NHS: variants seen among roughly 807,000 people sequenced by gnomAD.
The protein encoded by NHS is NHS actin remodeling regulator.
NHS carries 5 observed loss-of-function variants against 72.5 expected under a neutral mutation model. The observed-to-expected ratio is 0.07, with a 90% confidence interval of 0.04 to 0.14. The LOEUF is 0.14. Ranked by LOEUF, NHS falls within the 10% of genes least tolerant of loss-of-function variation. The pLI is 1.00. For missense variants in NHS, 1,072 were observed against 1,355.7 expected (o/e 0.79, Z 3.29); for synonymous variants, 464 against 547.7 (o/e 0.85, Z 2.13).
chrX:17,496,630 G>GT (rs946235310), intron 1 of NHS, among the ~76,000 whole-genome samples: 1 of 111,524 alleles, frequency 9.0e-6, no homozygotes, highest in African/African-American at 3.3e-5. Context: ...AGGAGAACTG[G>GT]TTTGGCAACA....
chrX:17,633,412 G>C (rs2065829657), intron 1 of NHS, among the ~76,000 whole-genome samples: 1 of 112,139 alleles, frequency 8.9e-6, no homozygotes, highest in Non-Finnish European at 1.9e-5. Context: ...TGTGCATCCA[G>C]GGTCCTAGAG....
chrX:17,718,192 G>A (rs1043011946), intron 3 of NHS, among the ~76,000 whole-genome samples: 16 of 110,008 alleles, frequency 1.5e-4, no homozygotes, highest in African/African-American at 5.3e-4. Flanking sequence ...AACTGACCTT[G>A]GGGAGGTTGA....
At position 17,721,534 on chromosome X, in the gene NHS, A is replaced by G. The variant is rs775369456; in HGVS notation, c.1009A>G (p.Thr337Ala). The change falls in exon 5 of 9, where the codon ACC becomes GCC. Residue 337 changes from threonine to alanine, a missense_variant. Coordinates refer to ENST00000676302, the MANE Select transcript of NHS (RefSeq NM_001291867.2). The part of the protein sequence containing the change: ...HNIPSTLDKQ[T>A]NWSKALPLPT... ...TATCCCTTCCACACTGGACAAGCAG[A>G]CCAACTGGAGCAAAGCACTACCTCT... 4 of 1,211,730 alleles carry G rather than the reference A, an allele frequency of 3.3e-6. No homozygotes were observed. In the South Asian group the frequency reaches 7.0e-5, roughly 21 times the overall value.
In NHS at chrX:17,726,927, G is replaced by A. The variant is rs771048907; in HGVS notation, c.2821G>A (p.Glu941Lys). Residue 941 changes from glutamate to lysine, a missense_variant, in exon 7 of 9, where the codon GAA (glutamate) becomes AAA (lysine). Physicochemically the swap from Glu to Lys is moderately conservative, Grantham distance 56. Transcript: ENST00000676302. The part of the protein sequence containing the change: ...DIPPFKDEVA[E>K]STHYADLWLL... ...TCCACCATTCAAAGATGAAGTTGCC[G>A]AATCCACACACTATGCAGACCTCTG... 11 of 1,211,254 alleles carry A rather than the reference G, an allele frequency of 9.1e-6. No homozygotes were observed. The highest frequency in any genetic ancestry group is 1.7e-5 in the African/African-American group (1 of 57,598).
chrX:17,433,161 C>G (rs1200864309), intron 1 of NHS, among the ~76,000 whole-genome samples: 1 of 103,625 alleles, frequency 9.7e-6, no homozygotes, highest in African/African-American at 3.5e-5. Flanking sequence ...TCCCGAGTAG[C>G]TGGGACTACA....
intron 1 of NHS, among the ~76,000 whole-genome samples, chrX:17,450,974 A>T (rs1192300321): frequency 8.9e-6 from 1 of 112,243 alleles, no homozygotes; most frequent in Non-Finnish European, 1.9e-5. Flanking sequence ...CGCTAGCAAA[A>T]GATGGCTATT....
Position 17,484,890 on chromosome X carries a change from A to G in NHS, c.565+108568A>G, listed in dbSNP as rs140288767. On this transcript the variant is annotated intron_variant, in intron 1 of 8. Transcript: ENST00000676302. ...GCTCCTCTAGGGTGAACAAGGCCCC[A>G]AGATGTCAAAGCATCAAAAATACAG... Among the ~76,000 whole-genome samples the G allele has an allele frequency of 6.2e-4, 69 of 111,117 alleles. No homozygotes were observed. In the East Asian group the frequency reaches 0.014, roughly 22 times the overall value.
chrX:17,690,899 T>C (rs2066191653), intron 2 of NHS, among the ~76,000 whole-genome samples: 1 of 111,968 alleles, frequency 8.9e-6, no homozygotes, highest in African/African-American at 3.2e-5. Flanking sequence ...AGAGAGAGAT[T>C]CATAAGCAAC....
Position 17,727,638 on chromosome X carries a change from A to G in NHS, c.3532A>G (p.Ser1178Gly), listed in dbSNP as rs755219421. Residue 1178 changes from serine (S) to glycine (G), a missense_variant, in exon 7 of 9, where the codon AGT becomes GGT. Coordinates refer to ENST00000676302, the MANE Select transcript of NHS (RefSeq NM_001291867.2). ...STLTTAALSP[S>G]KIRPHTANKS... ...ACTCACAACGGCTGCCTTGTCTCCA[A>G]GTAAGATTAGGCCGCATACAGCAAA... is the stretch of plus-strand genomic sequence containing the variant. 2.4e-5 allele frequency: 29 copies of G among 1,209,888 alleles called. No homozygotes were observed. Among genetic ancestry groups the G allele is most frequent in the Middle Eastern group, 4.6e-4 (2 of 4,374 alleles).
intron 1 of NHS, among the ~76,000 whole-genome samples, chrX:17,553,544 A>G (rs1006883994): frequency 8.9e-6 from 1 of 112,374 alleles, no homozygotes; most frequent in African/African-American, 3.2e-5. Context: ...ATTTGTCATG[A>G]GTAGCACTGG....
chrX:17,409,206 C>T (rs1288676102), intron 1 of NHS, among the ~76,000 whole-genome samples: 1 of 111,908 alleles, frequency 8.9e-6, no homozygotes, highest in Non-Finnish European at 1.9e-5. Context: ...TGCTGTTTCC[C>T]GAACAAGACA....
chrX:17,511,111 G>T (rs2065085176), intron 1 of NHS, among the ~76,000 whole-genome samples: 1 of 112,155 alleles, frequency 8.9e-6, no homozygotes, highest in African/African-American at 3.2e-5. Flanking sequence ...TAGGAAGAGA[G>T]AAGCTGTTCT....
intron 1 of NHS, among the ~76,000 whole-genome samples, chrX:17,605,843 T>C (rs904629492): frequency 4.5e-5 from 5 of 112,050 alleles, no homozygotes; most frequent in Non-Finnish European, 9.4e-5. Flanking sequence ...AAATCTGTCC[T>C]TGTTTTAACT....
intron 1 of NHS, among the ~76,000 whole-genome samples, chrX:17,385,702 C>T (rs2064403642): frequency 9.0e-6 from 1 of 111,507 alleles, no homozygotes; most frequent in African/African-American, 3.3e-5. Context: ...CATATGGTAG[C>T]ATTTTCTTGG....
chrX:17,397,686 T>C (rs2064483355), intron 1 of NHS, among the ~76,000 whole-genome samples: 1 of 112,326 alleles, frequency 8.9e-6, no homozygotes, highest in Non-Finnish European at 1.9e-5. Flanking sequence ...TTTGAAACAT[T>C]GTGAATAACA....
intron 1 of NHS, among the ~76,000 whole-genome samples, chrX:17,626,494 T>G (rs2147065596): frequency 8.9e-6 from 1 of 112,149 alleles, no homozygotes; most frequent in East Asian, 2.8e-4. Context: ...AGCCCTGGAA[T>G]GGACTTCTTT....
chrX:17,388,666 G>A (rs890830234), intron 1 of NHS, among the ~76,000 whole-genome samples: 1 of 109,847 alleles, frequency 9.1e-6, no homozygotes, highest in Non-Finnish European at 1.9e-5. Flanking sequence ...CTAGGGTCTA[G>A]TAGGCCATTG....
intron 1 of NHS, among the ~76,000 whole-genome samples, chrX:17,498,590 G>A (rs1186807933): frequency 9.0e-6 from 1 of 111,263 alleles, no homozygotes; most frequent in Non-Finnish European, 1.9e-5. Context: ...TAGGTTTGGG[G>A]GTAGAAAATG....
chrX:17,407,868 A>C (rs949713752), intron 1 of NHS, among the ~76,000 whole-genome samples: 1 of 111,641 alleles, frequency 9.0e-6, no homozygotes, highest in African/African-American at 3.3e-5. Flanking sequence ...AGAGTGACCC[A>C]AGAAGATGGG....
Sources: gnomAD v4.1 joint callset for allele counts (sites outside exome capture counted in the v4.1 genomes callset) on GRCh38, gnomAD v4.1.1 for gene constraint, MANE v1.5 for transcripts, NCBI Gene and HGNC (gene_info 2026-07-23, HGNC 2026-07-21) for gene names.